PDZRN4: variants seen among roughly 807,000 people sequenced by gnomAD.
PDZRN4 encodes the protein PDZ domain containing ring finger 4.
PDZRN4 carries 70 observed loss-of-function variants against 99.0 expected under a neutral mutation model. That is an observed-to-expected ratio of 0.71 (90% CI 0.58 to 0.86). PDZRN4 has a LOEUF of 0.86. PDZRN4 is among the 40% of genes least tolerant of loss of function. The pLI is 0.00. For synonymous variants in PDZRN4, 551 were observed against 501.6 expected (o/e 1.10, Z -1.32); for missense variants, 1,474 against 1,331.2 (o/e 1.11, Z -1.67).
chr12:41,552,001 G>A (rs1239595818), intron 5 of PDZRN4, among the ~76,000 whole-genome samples: 1 of 152,072 alleles, frequency 6.6e-6, no homozygotes, highest in Non-Finnish European at 1.5e-5. Context: ...GTATTTTCCT[G>A]TTCATTTACT....
chr12:41,271,985 C>A (rs1391766104), intron 3 of PDZRN4, among the ~76,000 whole-genome samples: 1 of 151,962 alleles, frequency 6.6e-6, no homozygotes, highest in Non-Finnish European at 1.5e-5. Flanking sequence ...TTTGCAACAT[C>A]ATTTCTATGT....
chr12:41,471,598 G>A lies in PDZRN4; in HGVS notation c.844-34858G>A, dbSNP rs1325505296. On this transcript the variant is annotated intron_variant, in intron 3 of 9. Transcript: ENST00000402685. ...TTCTATAAATTTGAATAGACCATTT[G>A]ATGATGTTAATGATGATGATTGTGA... is the stretch of plus-strand genomic sequence containing the variant. 4.7e-5 allele frequency among the ~76,000 whole-genome samples: 7 copies of A among 150,220 alleles called. 1 individual carries two copies. The highest frequency in any genetic ancestry group is 1.2e-4 in the African/African-American group (5 of 41,084).
At chr12:41,541,208 G>A (rs1409156193) in intron 5 of PDZRN4, among the ~76,000 whole-genome samples, 5 of 151,852 alleles carry the variant, frequency 3.3e-5, no homozygotes, top group Non-Finnish European at 7.4e-5. Context: ...GGGAATACGG[G>A]TGTGAGCCAC....
intron 7 of PDZRN4, among the ~76,000 whole-genome samples, chr12:41,559,151 C>G (rs1939221265): frequency 6.6e-6 from 1 of 150,410 alleles, no homozygotes; most frequent in South Asian, 2.1e-4. Context: ...TAGGTGAACT[C>G]ACCCAATGAC....
chr12:41,377,112 A>G (rs1346854838), intron 3 of PDZRN4, among the ~76,000 whole-genome samples: 3 of 152,088 alleles, frequency 2.0e-5, no homozygotes, highest in Non-Finnish European at 2.9e-5. Flanking sequence ...CCAGTATCAT[A>G]CTGTTTTGAT....
intron 3 of PDZRN4, among the ~76,000 whole-genome samples, chr12:41,322,992 G>A (rs1592011819): frequency 6.6e-6 from 1 of 151,988 alleles, no homozygotes; most frequent in South Asian, 2.1e-4. Flanking sequence ...GAAAAACATG[G>A]CAGAGGGCAA....
intron 3 of PDZRN4, among the ~76,000 whole-genome samples, chr12:41,411,067 A>ATATATT (rs34064559): frequency 1.3e-3 from 183 of 140,424 alleles, no homozygotes; most frequent in African/African-American, 4.7e-3. Flanking sequence ...ATATATATAT[A>ATATATT]TTTTTTTTTT....
chr12:41,211,494 T>C (rs1170577053), intron 3 of PDZRN4, among the ~76,000 whole-genome samples: 7 of 151,946 alleles, frequency 4.6e-5, no homozygotes, highest in African/African-American at 1.7e-4. Flanking sequence ...CCTACACTGT[T>C]GAAGAAGCTT....
intron 3 of PDZRN4, among the ~76,000 whole-genome samples, chr12:41,382,033 G>T (rs766761787): frequency 3.3e-5 from 5 of 152,082 alleles, no homozygotes; most frequent in Non-Finnish European, 7.4e-5. Flanking sequence ...AGGCAGGGCT[G>T]CTGGATGAGC....
At chr12:41,189,986 A>G (rs1312645094) in intron 1 of PDZRN4, among the ~76,000 whole-genome samples, 1 of 152,148 alleles carries the variant, frequency 6.6e-6, no homozygotes, top group African/African-American at 2.4e-5. Context: ...CCGTGTGAAG[A>G]GGCTTGTTTA....
intron 3 of PDZRN4, among the ~76,000 whole-genome samples, chr12:41,407,633 G>C (rs2120364865): frequency 6.6e-6 from 1 of 151,722 alleles, no homozygotes; most frequent in Non-Finnish European, 1.5e-5. Context: ...AAACTTGTTT[G>C]TTTGGACTGG....
intron 3 of PDZRN4, among the ~76,000 whole-genome samples, chr12:41,398,858 AATG>A (rs1281651183): frequency 2.0e-5 from 3 of 152,072 alleles, no homozygotes; most frequent in Non-Finnish European, 4.4e-5. Flanking sequence ...TGGTTGCATG[AATG>A]ATAACTTAAT....
intron 3 of PDZRN4, among the ~76,000 whole-genome samples, chr12:41,284,771 T>C (rs142638397): frequency 5.9e-5 from 9 of 152,258 alleles, no homozygotes; most frequent in African/African-American, 2.2e-4. Context: ...GATTCCATGT[T>C]TAATAAATAG....
chr12:41,244,249 A>G (rs1428385600), intron 3 of PDZRN4, among the ~76,000 whole-genome samples: 1 of 151,952 alleles, frequency 6.6e-6, no homozygotes, highest in African/African-American at 2.4e-5. Context: ...ACCTTACCTG[A>G]GATTCCATCT....
intron 5 of PDZRN4, among the ~76,000 whole-genome samples, chr12:41,514,841 C>T (rs1439879089): frequency 6.6e-6 from 1 of 152,004 alleles, no homozygotes. Flanking sequence ...ATTTTTGTCT[C>T]AAACACTTGT....
Position 41,334,389 on chromosome 12 carries a change from T to TAAA in PDZRN4, c.843+140215_843+140217dup, listed in dbSNP as rs59977032. 2.0e-3 allele frequency among the ~76,000 whole-genome samples: 294 copies of TAAA among 143,758 alleles called. 1 individual carries two copies. The highest frequency in any genetic ancestry group is 4.5e-3 in the African/African-American group (175 of 39,196). 94.3% of individuals were successfully genotyped at this position (143,758 alleles called of 152,430 possible). The stretch of plus-strand genomic sequence containing the variant: ...TCAGTGGGGAACATTAATGAAAAGT[T>TAAA]AAAAAAAAAAAAAAAAGAAAGAAAG... On this transcript the variant is annotated intron_variant, in intron 3 of 9. Coordinates refer to ENST00000402685, the MANE Select transcript of PDZRN4 (RefSeq NM_001164595.2).
intron 3 of PDZRN4, among the ~76,000 whole-genome samples, chr12:41,419,333 T>G (rs1592052506): frequency 6.6e-6 from 1 of 152,152 alleles, no homozygotes; most frequent in South Asian, 2.1e-4. Flanking sequence ...GCAGTTGGTG[T>G]GTTAGTGTGC....
Position 41,188,647 on chromosome 12 carries a change from G to C in PDZRN4, c.192G>C (p.Leu64=), listed in dbSNP as rs768286546. 1 of 1,543,310 alleles carries C rather than the reference G, an allele frequency of 6.5e-7. No homozygotes were observed. Among genetic ancestry groups the C allele is most frequent in the South Asian group, 1.2e-5 (1 of 84,730 alleles). ...GCCAGCCCTTGGCGCCCGGCGAGCT[G>C]TACCGGGTGCTGCCGCTGCGCAGCC... ...LQCQPLAPGE[L]YRVLPLRSLI... The change falls in exon 1 of 10, where the codon CTG becomes CTC. Residue 64 remains leucine, a synonymous_variant. Transcript: ENST00000402685.
intron 3 of PDZRN4, among the ~76,000 whole-genome samples, chr12:41,306,757 C>T (rs1158969057): frequency 5.9e-5 from 9 of 152,204 alleles, no homozygotes; most frequent in African/African-American, 2.2e-4. Flanking sequence ...TCCTTCAACA[C>T]TTTCACTCCC....
Sources: gnomAD v4.1 joint callset for allele counts (sites outside exome capture counted in the v4.1 genomes callset) on GRCh38, gnomAD v4.1.1 for gene constraint, MANE v1.5 for transcripts, NCBI Gene and HGNC (gene_info 2026-07-23, HGNC 2026-07-21) for gene names.